Variants in LUZP1 observed in about 807,000 individuals in gnomAD.
LUZP1 encodes leucine zipper protein 1.
Under a neutral mutation model 71.3 loss-of-function variants are expected in LUZP1, and 25 were observed. That is an observed-to-expected ratio of 0.35 (90% CI 0.26 to 0.49). The LOEUF (loss-of-function observed/expected upper bound fraction) is 0.49, where lower values mean the gene tolerates loss of function less well. Ranked by LOEUF, LUZP1 falls within the 20% of genes least tolerant of loss-of-function variation. The probability of loss-of-function intolerance (pLI) is 0.99; values close to 1 mark genes in which losing one functional copy is unlikely to be tolerated. For missense variants in LUZP1, 1,142 were observed against 1,300.8 expected, an observed-to-expected ratio of 0.88 and a Z score of 1.88; for synonymous variants, 481 against 506.4, an observed-to-expected ratio of 0.95 and a Z score of 0.67.
At chr1:23,099,619 C>G (rs1643915994) in intron 3 of LUZP1, among the ~76,000 whole-genome samples, 1 of 152,182 alleles carries the variant, frequency 6.6e-6, no homozygotes, top group Non-Finnish European at 1.5e-5. Context: ...TATCATAATT[C>G]TGAATTCAGA....
At position 23,091,929 on chromosome 1, in the gene LUZP1, A is replaced by AC; in HGVS notation, c.2332_2333insG (p.Leu778CysfsTer18). ...TTTGGAGACGGGTTTCTGTTTCTCCAACGTAGTCTCTGTTCCAGATCCTCC... is the reference window on the plus strand; with the variant it reads ...TTTGGAGACGGGTTTCTGTTTCTCCACACGTAGTCTCTGTTCCAGATCCTCC... On this transcript the variant is annotated frameshift_variant, in exon 4 of 5. Coordinates refer to ENST00000302291, the Ensembl canonical transcript of LUZP1. LOFTEE classifies it high-confidence loss of function. 3 of 1,614,146 alleles carry AC rather than the reference A, an allele frequency of 1.9e-6. No individual in the cohort carries two copies. The highest frequency in any genetic ancestry group is 1.7e-6 in the Non-Finnish European group (2 of 1,180,014).
At chr1:23,089,466 G>T (rs1643819946) in intron 4 of LUZP1, among the ~76,000 whole-genome samples, 1 of 152,158 alleles carries the variant, frequency 6.6e-6, no homozygotes, top group African/African-American at 2.4e-5. Flanking sequence ...GGTCCGGACA[G>T]CTCTCTTCCT....
At chr1:23,157,313 C>T (rs769184981) in intron 2 of LUZP1, among the ~76,000 whole-genome samples, 2 of 152,092 alleles carry the variant, frequency 1.3e-5, no homozygotes, top group Admixed American at 6.6e-5. Flanking sequence ...GCCTGGGTAA[C>T]AGAGTGAGAC....
At chr1:23,160,373 T>C (rs141180616) in intron 2 of LUZP1, among the ~76,000 whole-genome samples, 31 of 152,314 alleles carry the variant, frequency 2.0e-4, no homozygotes, top group Middle Eastern at 3.4e-3. Flanking sequence ...TTGTTTCTGT[T>C]AGTAATTCCA....
intron 2 of LUZP1, among the ~76,000 whole-genome samples, chr1:23,126,980 T>TA (rs1644176999): frequency 6.6e-6 from 1 of 152,238 alleles, no homozygotes; most frequent in Non-Finnish European, 1.5e-5. Flanking sequence ...TGTTGGCAAA[T>TA]ACCAGTGTGA....
At chr1:23,138,300 G>A (rs1257766197) in intron 2 of LUZP1, among the ~76,000 whole-genome samples, 1 of 152,010 alleles carries the variant, frequency 6.6e-6, no homozygotes, top group African/African-American at 2.4e-5. Context: ...TTATACAATG[G>A]GTTATTAGCC....
At chr1:23,104,456 T>C (rs1315111277) in intron 3 of LUZP1, among the ~76,000 whole-genome samples, 1 of 152,154 alleles carries the variant, frequency 6.6e-6, no homozygotes, top group African/African-American at 2.4e-5. Flanking sequence ...AGTGCTGGGA[T>C]TACAGGTGTG....
At chr1:23,158,393 G>A (rs1289197793) in intron 2 of LUZP1, among the ~76,000 whole-genome samples, 1 of 152,186 alleles carries the variant, frequency 6.6e-6, no homozygotes, top group Admixed American at 6.5e-5. Flanking sequence ...GCTCACGCCT[G>A]TAATCCCAGC....
chr1:23,098,098 T>A (rs901156963), intron 3 of LUZP1, among the ~76,000 whole-genome samples: 3 of 152,194 alleles, frequency 2.0e-5, no homozygotes, highest in African/African-American at 7.2e-5. Flanking sequence ...TTTTCTCCAG[T>A]CTTGTTCAGC....
chr1:23,165,110 A>G (rs2148213345), intron 2 of LUZP1, among the ~76,000 whole-genome samples: 2 of 152,148 alleles, frequency 1.3e-5, no homozygotes, highest in South Asian at 4.2e-4. Context: ...AGGTTTTCCT[A>G]TTTCCTCCCA....
chr1:23,108,381 G>A (rs1429222678), intron 3 of LUZP1, among the ~76,000 whole-genome samples: 4 of 152,208 alleles, frequency 2.6e-5, no homozygotes, highest in Non-Finnish European at 4.4e-5. Context: ...GACTAAGGCA[G>A]GAGGACTGCT....
intron 2 of LUZP1, among the ~76,000 whole-genome samples, chr1:23,146,651 T>C (rs1557680094): frequency 6.6e-6 from 1 of 151,430 alleles, no homozygotes; most frequent in Non-Finnish European, 1.5e-5. Flanking sequence ...AATACAAAAA[T>C]TAGGTGTAGT....
intron 2 of LUZP1, among the ~76,000 whole-genome samples, chr1:23,164,694 C>T (rs960185695): frequency 6.6e-6 from 1 of 152,164 alleles, no homozygotes; most frequent in East Asian, 1.9e-4. Flanking sequence ...AAACAATCTT[C>T]CCCGCAAGCC....
At chr1:23,120,660 A>G (rs186074045) in intron 2 of LUZP1, among the ~76,000 whole-genome samples, 2 of 152,154 alleles carry the variant, frequency 1.3e-5, no homozygotes, top group East Asian at 3.9e-4. Flanking sequence ...GCCTGACAAT[A>G]ATACCTAATG....
intron 2 of LUZP1, among the ~76,000 whole-genome samples, chr1:23,157,334 T>TA (rs112337098): frequency 9.1e-4 from 136 of 148,744 alleles, no homozygotes; most frequent in African/African-American, 2.3e-3. Context: ...CCTGTCTCAA[T>TA]AAAAAAAAAA....
exon 5 of LUZP1, chr1:23,089,003 G>A (rs768658028): frequency 1.9e-6 from 3 of 1,614,162 alleles, no homozygotes; most frequent in Non-Finnish European, 2.5e-6. Context: ...GATCCAGGGA[G>A]TTGTGCAGTT....
At chr1:23,147,612 CAAAAAA>C (rs774893320) in intron 2 of LUZP1, among the ~76,000 whole-genome samples, 3 of 61,466 alleles carry the variant, frequency 4.9e-5, no homozygotes, top group South Asian at 7.5e-4. Context: ...AGTCTCTACC[CAAAAAA>C]AAAAAAAAAA....
intron 3 of LUZP1, among the ~76,000 whole-genome samples, chr1:23,095,126 T>C (rs554492781): frequency 1.1e-4 from 16 of 152,330 alleles, no homozygotes; most frequent in Admixed American, 3.3e-4. Flanking sequence ...TTGAAAGCCA[T>C]TTCACTGGGG....
At chr1:23,173,806 CCCATCT>C (rs138528383) in intron 1 of LUZP1, among the ~76,000 whole-genome samples, 11,713 of 152,156 alleles carry the variant, frequency 0.077, 507 homozygotes, top group South Asian at 0.2. Flanking sequence ...TTCCACAGAT[CCCATCT>C]CCTCCTTCGT....
Sources: allele counts gnomAD v4.1 joint callset (sites outside exome capture counted in the v4.1 genomes callset), GRCh38; gene constraint gnomAD v4.1.1; transcripts MANE v1.5; gene names NCBI Gene and HGNC (gene_info 2026-07-23, HGNC 2026-07-21).